The following RBM4 variants were observed in gnomAD, a reference collection of about 807,000 sequenced individuals.
RBM4 encodes the protein RNA binding motif protein 4.
Under a neutral mutation model 29.5 loss-of-function variants are expected in RBM4, and 7 were observed. The ratio of observed to expected loss-of-function variants is 0.24; its 90% confidence interval spans 0.14 to 0.45. RBM4 has a LOEUF of 0.45. Among genes scored for constraint, RBM4 ranks in the 20% least tolerant of loss-of-function variants. The pLI, the probability that RBM4 is intolerant of heterozygous loss-of-function variation, is 1.00. For synonymous variants in RBM4, 220 were observed against 205.4 expected, an observed-to-expected ratio of 1.07 and a Z score of -0.61; for missense variants, 387 against 502.3, an observed-to-expected ratio of 0.77 and a Z score of 2.19.
downstream of RBM4, among the ~76,000 whole-genome samples, chr11:66,647,814 G>A (rs1224111655): frequency 6.6e-6 from 1 of 152,214 alleles, no homozygotes; most frequent in Non-Finnish European, 1.5e-5. Flanking sequence ...ATGTCAAGTA[G>A]AGAATTCTGT....
chr11:66,646,015 GCT>G lies in RBM4; in HGVS notation c.*9-7_*9-6del. 1 of 1,536,100 alleles carries G rather than the reference GCT, an allele frequency of 6.5e-7. No homozygotes were observed. The highest frequency in any genetic ancestry group is 8.7e-7 in the Non-Finnish European group (1 of 1,146,878). ...CTTTGCTGTAAAGCCGCTGTATTGT[GCT>G]CTCTTTCAGGTGGGATGTGTGTGGG... is the stretch of plus-strand genomic sequence containing the variant. On this transcript the variant is annotated splice_polypyrimidine_tract_variant and intron_variant, in intron 3 of 3. Transcript: ENST00000310092.
intron 2 of RBM4, among the ~76,000 whole-genome samples, chr11:66,659,679 CTCTT>C (rs1450424018): frequency 3.9e-5 from 6 of 152,130 alleles, no homozygotes; most frequent in African/African-American, 1.4e-4. Context: ...ATCCCATTCT[CTCTT>C]TCAGCCAGAT....
At position 66,654,659 on chromosome 11, in the gene RBM4, G is replaced by T. The variant is rs979693846; in HGVS notation, c.413-11197G>T. The stretch of plus-strand genomic sequence containing the variant: ...TGGGACTACAGGCACGCACCACCAC[G>T]CCCAGCTCAGTTTTGATTAATTTTG... On this transcript the variant is annotated intron_variant, in intron 2 of 2. Coordinates refer to the RBM4 transcript ENST00000396053. Among the ~76,000 whole-genome samples, 4 of 147,562 alleles carry T rather than the reference G, an allele frequency of 2.7e-5. No homozygotes were observed. In the East Asian group the frequency reaches 8.2e-4, roughly 30 times the overall value.
Position 66,643,943 on chromosome 11 carries a change from A to T in RBM4, c.906A>T (p.Ser302=). Residue 302 remains serine, a synonymous_variant, in exon 3 of 4, where the codon TCA becomes TCT. Transcript: ENST00000310092. The surrounding 1 kb of genome is among the most constrained non-coding windows in gnomAD (Gnocchi z 6.1). ...AAAAVTAAST[S]YYGRDRSPLR... ...CTGCTGTTACTGCAGCTTCCACTTC[A>T]TATTACGGGCGGGATCGGAGCCCCC... 6.2e-7 allele frequency: 1 copy of T among 1,613,078 alleles called. No individual in the cohort carries two copies. Among genetic ancestry groups the T allele is most frequent in the Non-Finnish European group, 8.5e-7 (1 of 1,179,930 alleles).
At position 66,643,430 on chromosome 11, in the gene RBM4, C is replaced by T. The variant is rs1461928583; in HGVS notation, c.413-20C>T. The stretch of plus-strand genomic sequence containing the variant: ...ATGACTAAGAGTGATAGCAACCCTT[C>T]TTGCGTCTGTTTCTTCAAGGCAAAC... On this transcript the variant is annotated intron_variant, in intron 2 of 3. Coordinates refer to ENST00000310092, the MANE Select transcript of RBM4 (RefSeq NM_002896.4). This position sits in a 1 kb window ranked among gnomAD's most constrained non-coding sequence, Gnocchi z 6.1. 1 of 1,585,446 alleles carries T rather than the reference C, an allele frequency of 6.3e-7. No homozygotes were observed. Among genetic ancestry groups the T allele is most frequent in the Non-Finnish European group, 8.6e-7 (1 of 1,162,908 alleles).
intron 2 of RBM4, among the ~76,000 whole-genome samples, chr11:66,661,966 G>A (rs372823980): frequency 1.3e-5 from 2 of 152,306 alleles, no homozygotes; most frequent in African/African-American, 2.4e-5. Flanking sequence ...GGAGGCAGAG[G>A]TTGCAGTGAG....
intron 2 of RBM4, among the ~76,000 whole-genome samples, chr11:66,657,515 C>T (rs1226077497): frequency 2.6e-5 from 4 of 151,480 alleles, no homozygotes; most frequent in Non-Finnish European, 4.4e-5. Flanking sequence ...AACCCCGTCT[C>T]TACTAAAAAT....
chr11:66,652,791 A>G (rs538894985), intron 2 of RBM4, among the ~76,000 whole-genome samples: 2 of 152,300 alleles, frequency 1.3e-5, no homozygotes, highest in East Asian at 1.9e-4. Flanking sequence ...GATTGAGCAC[A>G]GGAGTTCCAA....
At chr11:66,655,899 GTTTT>G (rs1284997967) in intron 2 of RBM4, among the ~76,000 whole-genome samples, 1 of 149,668 alleles carries the variant, frequency 6.7e-6, no homozygotes, top group African/African-American at 2.5e-5. Flanking sequence ...GCTTTTCTGA[GTTTT>G]TTTTTTAAAC....
chr11:66,643,693 A>G lies in RBM4; in HGVS notation c.656A>G (p.Asp219Gly). The change falls in exon 3 of 4, where the codon GAT becomes GGT. Residue 219 changes from aspartate to glycine, a missense_variant. Physicochemically the swap from Asp to Gly is moderately conservative, Grantham distance 94. This residue lies in a region of RBM4 where 281 missense variants were observed against 288.7 expected (regional missense o/e 0.97). Transcript: ENST00000310092. The surrounding 1 kb of genome is among the most constrained non-coding windows in gnomAD (Gnocchi z 6.1). Reference protein sequence around the residue: ...LYYNNAYGALDAYYKRCRAAR... With the variant: ...LYYNNAYGALGAYYKRCRAAR... ...TACAACAACGCGTACGGAGCGCTCG[A>G]TGCCTACTACAAGCGCTGCCGTGCT... 1 of 1,614,148 alleles carries G rather than the reference A, an allele frequency of 6.2e-7. No homozygotes were observed. The highest frequency in any genetic ancestry group is 1.7e-5 in the Admixed American group (1 of 60,024).
intron 2 of RBM4, among the ~76,000 whole-genome samples, chr11:66,664,492 C>T (rs1321045101): frequency 6.6e-6 from 1 of 151,046 alleles, no homozygotes; most frequent in Non-Finnish European, 1.5e-5. Flanking sequence ...TGGAGTTTCG[C>T]TCTTGTTGTC....
chr11:66,654,684 G>GTTTT, intron 2 of RBM4, among the ~76,000 whole-genome samples: 1 of 122,300 alleles, frequency 8.2e-6, no homozygotes, highest in Non-Finnish European at 1.7e-5. Context: ...GATTAATTTT[G>GTTTT]TTTTTTTTTT....
intron 2 of RBM4, chr11:66,665,559 T>C: frequency 6.5e-7 from 1 of 1,533,438 alleles, no homozygotes; most frequent in Middle Eastern, 1.7e-4. Flanking sequence ...GCCCGAGGGT[T>C]CAGTCCGCAA....
downstream of RBM4, among the ~76,000 whole-genome samples, chr11:66,650,691 A>G (rs1938807554): frequency 6.6e-6 from 1 of 150,588 alleles, no homozygotes; most frequent in African/African-American, 2.4e-5. Context: ...GTGAAACTCC[A>G]TCTCTACTAA....
downstream of RBM4, among the ~76,000 whole-genome samples, chr11:66,647,933 G>A (rs1401365994): frequency 3.9e-5 from 6 of 152,146 alleles, no homozygotes; most frequent in Non-Finnish European, 8.8e-5. Context: ...GGCCAGTCAT[G>A]GTGGCTCACG....
At chr11:66,667,395 T>A (rs891835063) in exon 3 of RBM4, 2 of 152,154 alleles carry the variant, frequency 1.3e-5, no homozygotes, top group Non-Finnish European at 2.9e-5. Flanking sequence ...CCAGTTTATC[T>A]AACTCCTTAA....
At chr11:66,659,342 C>T (rs1007046840) in intron 2 of RBM4, among the ~76,000 whole-genome samples, 3 of 140,160 alleles carry the variant, frequency 2.1e-5, no homozygotes, top group Non-Finnish European at 4.5e-5. Context: ...GCGATCTCGG[C>T]TCACTGCAAG....
chr11:66,662,221 T>C (rs1398734400), intron 2 of RBM4, among the ~76,000 whole-genome samples: 1 of 152,104 alleles, frequency 6.6e-6, no homozygotes, highest in Non-Finnish European at 1.5e-5. Context: ...AAAACTCAGT[T>C]TCTCAGTGGA....
chr11:66,665,519 G>A (rs1242070612), intron 2 of RBM4: 16 of 1,328,918 alleles, frequency 1.2e-5, no homozygotes, highest in African/African-American at 7.3e-5. Context: ...AAAGGGGACC[G>A]CGCGGAGCAA....
Sources: allele counts gnomAD v4.1 joint callset (sites outside exome capture counted in the v4.1 genomes callset), GRCh38; gene constraint gnomAD v4.1.1; regional missense constraint gnomAD v4.1.1; non-coding constraint Gnocchi (gnomAD v3.1); transcripts MANE v1.5; gene names NCBI Gene and HGNC (gene_info 2026-07-23, HGNC 2026-07-21).